The following KCNT2 variants were observed in gnomAD, a reference collection of about 807,000 sequenced individuals.
KCNT2 encodes potassium channel subfamily T member 2.
A neutral mutation model predicts 153.8 loss-of-function variants in KCNT2; 67 were observed. That is an observed-to-expected ratio of 0.44 (90% CI 0.36 to 0.53). The LOEUF is 0.53. KCNT2 is among the 20% of genes least tolerant of loss of function. KCNT2 has a pLI of 0.00. For synonymous variants in KCNT2, 500 were observed against 458.8 expected (o/e 1.09, Z -1.15); for missense variants, 975 against 1,354.8 (o/e 0.72, Z 4.40).
intron 25 of KCNT2, among the ~76,000 whole-genome samples, chr1:196,266,769 A>G (rs1288800899): frequency 2.0e-5 from 3 of 152,204 alleles, no homozygotes; most frequent in Non-Finnish European, 2.9e-5. Flanking sequence ...CCAAAGCTTA[A>G]TGCTGTGGTT....
Position 196,371,801 on chromosome 1 carries a change from C to T in KCNT2, c.1403+1339G>A, listed in dbSNP as rs762589438. Reference sequence around the variant, plus strand: ...ATAATATTTACTAGGAGATGCACAACGAAATTTAACTTCAGTCATGAGTAA... The same window carrying T: ...ATAATATTTACTAGGAGATGCACAATGAAATTTAACTTCAGTCATGAGTAA... On this transcript the variant is annotated intron_variant, in intron 14 of 27. Coordinates refer to ENST00000294725, the MANE Select transcript of KCNT2 (RefSeq NM_198503.5). Among the ~76,000 whole-genome samples, 13 of 152,040 alleles carry T rather than the reference C, an allele frequency of 8.6e-5. No individual in the cohort carries two copies. In the South Asian group the frequency reaches 1.0e-3, roughly 12 times the overall value.
At position 196,295,130 on chromosome 1, in the gene KCNT2, A is replaced by ATATATATGTGTATATATG. The variant is rs772391863; in HGVS notation, c.2596-9390_2596-9373dup. 1.5e-4 allele frequency among the ~76,000 whole-genome samples: 23 copies of ATATATATGTGTATATATG among 151,686 alleles called. No individual in the cohort carries two copies. The East Asian group carries it at 3.1e-3, about 20-fold the overall frequency. ...GATCTAATCATAACACATTGTAAAT[A>ATATATATGTGTATATATG]TATATATGTGTATATATGTATATAT... is the stretch of plus-strand genomic sequence containing the variant. On this transcript the variant is annotated intron_variant, in intron 22 of 27. Coordinates refer to ENST00000294725, the MANE Select transcript of KCNT2 (RefSeq NM_198503.5).
At chr1:196,392,403 T>A (rs1215778605) in intron 13 of KCNT2, among the ~76,000 whole-genome samples, 1 of 151,342 alleles carries the variant, frequency 6.6e-6, no homozygotes, top group African/African-American at 2.4e-5. Flanking sequence ...TTCAAAGGCT[T>A]AATGTTTTAT....
intron 8 of KCNT2, among the ~76,000 whole-genome samples, chr1:196,458,974 G>C (rs1249118819): frequency 4.0e-5 from 6 of 151,664 alleles, no homozygotes; most frequent in Non-Finnish European, 8.8e-5. Flanking sequence ...TTGCACTTTG[G>C]TATTTATTCA....
At chr1:196,301,064 T>G (rs564275843) in intron 22 of KCNT2, among the ~76,000 whole-genome samples, 1 of 152,132 alleles carries the variant, frequency 6.6e-6, no homozygotes, top group Admixed American at 6.6e-5. Flanking sequence ...CTTCTTTGAG[T>G]TTTCATTAAC....
chr1:196,491,195 G>A (rs1679831944), intron 2 of KCNT2, among the ~76,000 whole-genome samples: 1 of 152,066 alleles, frequency 6.6e-6, no homozygotes, highest in East Asian at 1.9e-4. Flanking sequence ...ACTGAAATAA[G>A]GGAAACTATT....
At chr1:196,563,298 C>T (rs1008015554) in intron 1 of KCNT2, among the ~76,000 whole-genome samples, 4 of 151,502 alleles carry the variant, frequency 2.6e-5, no homozygotes, top group Non-Finnish European at 5.9e-5. Context: ...GAAGAAATAC[C>T]GTGACTGCTT....
At chr1:196,537,446 C>A (rs1393213050) in intron 1 of KCNT2, among the ~76,000 whole-genome samples, 1 of 152,122 alleles carries the variant, frequency 6.6e-6, no homozygotes, top group Non-Finnish European at 1.5e-5. Flanking sequence ...ATGTAAAATA[C>A]CCACCCCCAG....
intron 12 of KCNT2, among the ~76,000 whole-genome samples, chr1:196,406,883 G>A (rs1274729551): frequency 6.6e-6 from 1 of 151,388 alleles, no homozygotes; most frequent in Non-Finnish European, 1.5e-5. Context: ...TTGCCTGTCG[G>A]AATCTGCATA....
intron 16 of KCNT2, among the ~76,000 whole-genome samples, chr1:196,337,208 TTC>T (rs1182711304): frequency 6.6e-6 from 1 of 150,742 alleles, no homozygotes; most frequent in Non-Finnish European, 1.5e-5. Flanking sequence ...TTTATGGCCA[TTC>T]TCTTTCCCTA....
At chr1:196,570,026 C>G (rs1660578580) in intron 1 of KCNT2, among the ~76,000 whole-genome samples, 1 of 141,592 alleles carries the variant, frequency 7.1e-6, no homozygotes, top group Non-Finnish European at 1.5e-5. Flanking sequence ...GAAGTTCTAA[C>G]CAACAAAAAG....
At chr1:196,297,106 ATC>A (rs1208459554) in intron 22 of KCNT2, among the ~76,000 whole-genome samples, 33 of 151,272 alleles carry the variant, frequency 2.2e-4, no homozygotes, top group African/African-American at 7.0e-4. Context: ...AAATTATGCA[ATC>A]TCTCTCTCTT....
intron 8 of KCNT2, among the ~76,000 whole-genome samples, chr1:196,443,029 G>A (rs1298821223): frequency 1.3e-5 from 2 of 151,602 alleles, no homozygotes; most frequent in African/African-American, 2.4e-5. Flanking sequence ...AAGTACAGAA[G>A]TGGATAGATT....
rs184003875 is a variant in KCNT2, at chr1:196,336,959, C to G, written c.1784-2899G>C. Among the ~76,000 whole-genome samples, 267 of 152,154 alleles carry G rather than the reference C, an allele frequency of 1.8e-3. 10 individuals are homozygous for G. Among genetic ancestry groups the G allele is most frequent in the Admixed American group, 0.014 (218 of 15,264 alleles). On this transcript the variant is annotated intron_variant, in intron 16 of 27. Transcript: ENST00000294725. ...ATCTTAGTATACTGCAGAGCTTTGT[C>G]TTTTATTTTTTCCTGCCTGTACTCA... is the stretch of plus-strand genomic sequence containing the variant.
At position 196,443,371 on chromosome 1, in the gene KCNT2, G is replaced by A. The variant is rs149608844; in HGVS notation, c.639-13614C>T. 5.1e-3 allele frequency among the ~76,000 whole-genome samples: 775 copies of A among 151,572 alleles called. 6 individuals are homozygous for A. The highest frequency in any genetic ancestry group is 0.018 in the African/African-American group (745 of 41,460). On this transcript the variant is annotated intron_variant, in intron 8 of 27. Transcript: ENST00000294725. ...GTAACCACAAATGTAAAGAGGAAAA[G>A]CTGAGGCCTCAGCTTGATTCTCCTT... is the stretch of plus-strand genomic sequence containing the variant.
chr1:196,407,298 G>A (rs1261675049), intron 12 of KCNT2, among the ~76,000 whole-genome samples: 1 of 151,396 alleles, frequency 6.6e-6, no homozygotes, highest in East Asian at 1.9e-4. Context: ...TTCGTAAAGA[G>A]GTCAGGTTAT....
At chr1:196,484,352 T>C (rs1679249157) in intron 3 of KCNT2, among the ~76,000 whole-genome samples, 1 of 152,092 alleles carries the variant, frequency 6.6e-6, no homozygotes, top group South Asian at 2.1e-4. Context: ...TCATAAACTT[T>C]GCCCAGTTTT....
At chr1:196,331,500 A>T (rs1432964773) in intron 17 of KCNT2, among the ~76,000 whole-genome samples, 1 of 152,066 alleles carries the variant, frequency 6.6e-6, no homozygotes, top group Non-Finnish European at 1.5e-5. Flanking sequence ...GGAAAAAATC[A>T]AACTAGTATT....
chr1:196,438,111 G>A (rs773076876), intron 8 of KCNT2, among the ~76,000 whole-genome samples: 4 of 151,574 alleles, frequency 2.6e-5, no homozygotes, highest in Non-Finnish European at 4.4e-5. Flanking sequence ...ATGAGCTAAT[G>A]CTCTGTGAAA....
Sources: allele counts gnomAD v4.1 joint callset (sites outside exome capture counted in the v4.1 genomes callset), GRCh38; gene constraint gnomAD v4.1.1; transcripts MANE v1.5; gene names NCBI Gene and HGNC (gene_info 2026-07-23, HGNC 2026-07-21).